The following VPS8 variants were observed in gnomAD, a reference collection of about 807,000 sequenced individuals.
The protein encoded by VPS8 is vacuolar protein sorting-associated protein 8 homolog.
VPS8 carries 129 observed loss-of-function variants against 216.4 expected under a neutral mutation model. That is an observed-to-expected ratio of 0.60 (90% CI 0.52 to 0.69). The LOEUF (loss-of-function observed/expected upper bound fraction) is 0.69. Ranked by LOEUF, VPS8 falls within the 30% of genes least tolerant of loss-of-function variation. The pLI, the probability that VPS8 is intolerant of heterozygous loss-of-function variation, is 0.00. For missense variants in VPS8, 1,531 were observed against 1,683.5 expected (o/e 0.91, Z 1.59); for synonymous variants, 571 against 565.4 (o/e 1.01, Z -0.14).
chr3:184,833,843 A>G (rs1016948490), intron 4 of VPS8, among the ~76,000 whole-genome samples: 4 of 152,230 alleles, frequency 2.6e-5, no homozygotes, highest in African/African-American at 9.6e-5. Context: ...CCAAATAAAC[A>G]GAATTAAACT....
At chr3:184,911,772 A>G (rs9682273) in intron 25 of VPS8, among the ~76,000 whole-genome samples, 2 of 152,178 alleles carry the variant, frequency 1.3e-5, no homozygotes, top group Non-Finnish European at 2.9e-5. Flanking sequence ...TTTACAAGAC[A>G]TTAAGGACTC....
chr3:184,861,474 A>C (rs1726366687), intron 15 of VPS8, among the ~76,000 whole-genome samples: 1 of 152,242 alleles, frequency 6.6e-6, no homozygotes, highest in Non-Finnish European at 1.5e-5. Flanking sequence ...TTGTTTAGAA[A>C]TAATTCTTTC....
intron 44 of VPS8, among the ~76,000 whole-genome samples, chr3:184,997,575 G>A (rs1360828866): frequency 2.0e-5 from 3 of 152,202 alleles, no homozygotes; most frequent in South Asian, 4.1e-4. Flanking sequence ...TATTCAAGGG[G>A]ATAGGATACA....
chr3:184,998,348 T>C (rs1036604920), intron 44 of VPS8, among the ~76,000 whole-genome samples: 1 of 151,934 alleles, frequency 6.6e-6, no homozygotes, highest in South Asian at 2.1e-4. Context: ...GTCTAGGTAA[T>C]AGTCATGAAG....
At chr3:184,903,594 G>A (rs1734964649) in intron 25 of VPS8, among the ~76,000 whole-genome samples, 1 of 151,774 alleles carries the variant, frequency 6.6e-6, no homozygotes, top group African/African-American at 2.4e-5. Context: ...TGGGACTACA[G>A]GCCACCATGC....
chr3:185,002,607 C>T lies in VPS8; in HGVS notation c.4002+2746C>T, dbSNP rs115006816. On this transcript the variant is annotated intron_variant, in intron 45 of 47. Transcript: ENST00000625842. The stretch of plus-strand genomic sequence containing the variant: ...TTTTATCCCTTACTTTGCTCCAGTC[C>T]TTCCCCCCTCCCTGAGTCCCCAAAG... Among the ~76,000 whole-genome samples, 668 of 152,172 alleles carry T rather than the reference C, an allele frequency of 4.4e-3. 7 individuals are homozygous for T. The highest frequency in any genetic ancestry group is 0.015 in the African/African-American group (628 of 41,506).
At chr3:185,046,288 GTTAC>G (rs1712883975) in intron 46 of VPS8, among the ~76,000 whole-genome samples, 1 of 152,330 alleles carries the variant, frequency 6.6e-6, no homozygotes, top group African/African-American at 2.4e-5. Context: ...GACGGAAACT[GTTAC>G]TTATCTTCAG....
intron 35 of VPS8, among the ~76,000 whole-genome samples, chr3:184,939,686 G>A (rs918589256): frequency 5.3e-5 from 8 of 152,122 alleles, no homozygotes; most frequent in South Asian, 4.1e-4. Flanking sequence ...CTAACATGTT[G>A]CAGTTTGATT....
intron 45 of VPS8, among the ~76,000 whole-genome samples, chr3:185,007,853 C>T (rs1048260254): frequency 6.6e-6 from 1 of 152,142 alleles, no homozygotes; most frequent in African/African-American, 2.4e-5. Context: ...TTTATGTTCA[C>T]TAGCCATAAT....
At chr3:184,846,678 G>A (rs1020808353) in intron 8 of VPS8, among the ~76,000 whole-genome samples, 4 of 152,186 alleles carry the variant, frequency 2.6e-5, no homozygotes, top group Non-Finnish European at 2.9e-5. Flanking sequence ...GAAGGCAAGC[G>A]GTCCAAACTC....
chr3:184,847,016 TAAG>T (rs1009509697), intron 8 of VPS8, among the ~76,000 whole-genome samples: 1 of 152,192 alleles, frequency 6.6e-6, no homozygotes, highest in African/African-American at 2.4e-5. Flanking sequence ...GAAAAAATTG[TAAG>T]GAGGAGAACA....
intron 7 of VPS8, chr3:184,840,012 A>G (rs1721822650): frequency 1.2e-6 from 1 of 827,802 alleles, no homozygotes; most frequent in Non-Finnish European, 1.5e-6. Flanking sequence ...CTAGACAAAA[A>G]GAATAAAGTT....
intron 8 of VPS8, among the ~76,000 whole-genome samples, chr3:184,846,712 C>T (rs1424185312): frequency 6.6e-6 from 1 of 152,220 alleles, no homozygotes; most frequent in East Asian, 1.9e-4. Flanking sequence ...TTCATACCAG[C>T]TCTATCTTTG....
At chr3:184,966,316 C>T (rs1234889592) in intron 38 of VPS8, among the ~76,000 whole-genome samples, 1 of 152,202 alleles carries the variant, frequency 6.6e-6, no homozygotes, top group East Asian at 1.9e-4. Flanking sequence ...ACACCTTTCA[C>T]TGAGTCCCAC....
intron 29 of VPS8, among the ~76,000 whole-genome samples, chr3:184,920,487 G>C (rs1170332702): frequency 6.6e-6 from 1 of 152,224 alleles, no homozygotes; most frequent in Non-Finnish European, 1.5e-5. Flanking sequence ...TAATAATAGA[G>C]ACTAACTTCA....
At chr3:184,871,491 AG>A (rs1168503152) in intron 21 of VPS8, among the ~76,000 whole-genome samples, 1 of 152,134 alleles carries the variant, frequency 6.6e-6, no homozygotes, top group Non-Finnish European at 1.5e-5. Context: ...AGCAGAGTTT[AG>A]GCTTTGCAGG....
intron 46 of VPS8, among the ~76,000 whole-genome samples, chr3:185,037,520 G>A (rs559972419): frequency 1.1e-4 from 17 of 152,190 alleles, no homozygotes; most frequent in African/African-American, 2.9e-4. Context: ...TTCAATGAAC[G>A]TAGGACATTT....
rs1413242224 is a variant in VPS8 at position 184,996,483 on chromosome 3, A to G, written c.3818A>G (p.Asp1273Gly). 2 of 1,607,010 alleles carry G rather than the reference A, an allele frequency of 1.2e-6. No homozygotes were observed. Among genetic ancestry groups the G allele is most frequent in the Non-Finnish European group, 1.7e-6 (2 of 1,177,012 alleles). Residue 1273 changes from aspartate (D) to glycine (G), a missense_variant, in exon 44 of 48, where the codon GAT becomes GGT. By Grantham distance (94) the Asp-to-Gly change is moderately conservative (BLOSUM62 -1). Coordinates refer to ENST00000625842, the MANE Select transcript of VPS8 (RefSeq NM_001009921.3). ...TACAAGAGACGCCAAGAAATGGCTG[A>G]TGAAATAATTGTCTTTAGGTAAGAA... is the stretch of plus-strand genomic sequence containing the variant. ...QQYKRRQEMA[D>G]EIIVFSCGHL...
Position 184,853,992 on chromosome 3 carries a change from C to T in VPS8, c.957C>T (p.Ala319=), listed in dbSNP as rs1204217028. The change falls in exon 12 of 48, where the codon GCC becomes GCT. Residue 319 remains alanine, a synonymous_variant. Coordinates refer to ENST00000625842, the MANE Select transcript of VPS8 (RefSeq NM_001009921.3). The part of the protein sequence containing the change: ...DHPITQFSLL[A]MASLTKILVI... ...CCATCACACAGTTTTCATTATTGGC[C>T]ATGGCATCCTTGACAAAAGTAAGTG... 12 of 1,613,522 alleles carry T rather than the reference C, an allele frequency of 7.4e-6. No individual in the cohort carries two copies. The highest frequency in any genetic ancestry group is 1.3e-5 in the African/African-American group (1 of 74,894).
Sources: gnomAD v4.1 joint callset for allele counts (sites outside exome capture counted in the v4.1 genomes callset) on GRCh38, gnomAD v4.1.1 for gene constraint, MANE v1.5 for transcripts, NCBI Gene and HGNC (gene_info 2026-07-23, HGNC 2026-07-21) for gene names.